SRSF10: variants seen among roughly 807,000 people sequenced by gnomAD.
SRSF10 encodes the protein serine/arginine-rich splicing factor 10.
SRSF10 carries 9 observed loss-of-function variants against 32.6 expected under a neutral mutation model. The ratio of observed to expected loss-of-function variants is 0.28; its 90% CI spans 0.17 to 0.48. SRSF10 has a LOEUF of 0.48. Among genes scored for constraint, SRSF10 ranks in the 20% least tolerant of loss-of-function variants. The pLI, the probability that SRSF10 is intolerant of heterozygous loss-of-function variation, is 0.99. For missense variants in SRSF10, 201 were observed against 331.8 expected, an observed-to-expected ratio of 0.61 and a Z score of 3.06; for synonymous variants, 105 against 112.4, an observed-to-expected ratio of 0.93 and a Z score of 0.42.
chr1:23,978,973 C>A (rs534254774), intron 1 of SRSF10, 156 bp from the exon 2 acceptor site: 2 of 382,936 alleles, frequency 5.2e-6, no homozygotes, highest in Non-Finnish European at 4.6e-6. Flanking sequence ...ATGTATGGTA[C>A]AAGGGAATGA....
chr1:23,975,126 A>G, intron 2 of SRSF10, 49 bp from the exon 3 acceptor site: 1 of 1,422,012 alleles, frequency 7.0e-7, no homozygotes, highest in Non-Finnish European at 9.9e-7. Context: ...TTGATAATGA[A>G]TGAAAGTTCA....
Position 23,971,344 on chromosome 1 carries a change from C to A in SRSF10, c.587G>T (p.Arg196Leu). The change falls in exon 6 of 6, where the codon CGT becomes CTT. Residue 196 changes from arginine to leucine, a missense_variant. This residue lies in a region of SRSF10 where 159 missense variants were observed against 196.7 expected (regional missense o/e 0.81). Coordinates refer to ENST00000492112, the MANE Select transcript of SRSF10 (RefSeq NM_054016.4). ...TTTGGTGTGAGATGCAGACCTAGAA[C>A]GTGATTTAGCCTTCATTTCTTTCTT... Reference protein sequence around the residue: ...QPKKEMKAKSRSRSASHTKTR... With the variant: ...QPKKEMKAKSLSRSASHTKTR... The A allele has an allele frequency of 1.9e-6, 3 of 1,612,748 alleles. No homozygotes were observed. The highest frequency in any genetic ancestry group is 2.5e-6 in the Non-Finnish European group (3 of 1,179,890).
Position 23,971,127 on chromosome 1 carries a change from C to A in SRSF10, c.*15G>T. ...ATGAATGATACATGCCTAAAAATGACCATGGTTTATACTATCAGTGGCCAC... is the reference window on the plus strand; with the variant it reads ...ATGAATGATACATGCCTAAAAATGAACATGGTTTATACTATCAGTGGCCAC... On this transcript the variant is annotated 3_prime_UTR_variant, in exon 6 of 6. Transcript: ENST00000492112. The A allele has an allele frequency of 6.4e-7, 1 of 1,573,142 alleles. No individual in the cohort carries two copies. The highest frequency in any genetic ancestry group is 1.2e-5 in the South Asian group (1 of 84,190).
At chr1:23,975,906 AG>A (rs1642057214) in intron 2 of SRSF10, 1 of 152,246 alleles carries the variant, frequency 6.6e-6, no homozygotes, top group Non-Finnish European at 1.5e-5. Flanking sequence ...AGCCTTAAGC[AG>A]GAACTACTGG....
chr1:23,979,922 C>G (rs1489864965), intron 1 of SRSF10, among the ~76,000 whole-genome samples: 1 of 149,170 alleles, frequency 6.7e-6, no homozygotes, highest in Non-Finnish European at 1.5e-5. Context: ...CTCGCGCCGG[C>G]AGGAAGCAGG....
At position 23,970,809 on chromosome 1, in the gene SRSF10, GA is replaced by G. The variant is rs1641712972; in HGVS notation, c.*332del. On this transcript the variant is annotated 3_prime_UTR_variant, in exon 6 of 6. Coordinates refer to ENST00000492112, the MANE Select transcript of SRSF10 (RefSeq NM_054016.4). ...CTAGGTTAACAGTTCTACCAAATAT[GA>G]ATATGAAAGTTTATTTTTAATGAGA... 38 of 1,062,788 alleles carry G rather than the reference GA, an allele frequency of 3.6e-5. No individual in the cohort carries two copies. Among genetic ancestry groups the G allele is most frequent in the Non-Finnish European group, 4.1e-5 (36 of 879,902 alleles). The allele number at this position is 1,062,788 out of a possible 1,614,324, so 65.8% of individuals were successfully genotyped here.
At chr1:23,972,227 T>G (rs1249239271) in intron 3 of SRSF10, among the ~76,000 whole-genome samples, 2 of 151,932 alleles carry the variant, frequency 1.3e-5, no homozygotes. Flanking sequence ...TGGGGCAACA[T>G]AGCAATATGC....
At chr1:23,978,922 G>T in intron 1 of SRSF10, 105 bp from the exon 2 acceptor site, 1 of 997,394 alleles carries the variant, frequency 1.0e-6, no homozygotes, top group Non-Finnish European at 1.4e-6. Flanking sequence ...GAATTTGGAA[G>T]ATAAAAATGC....
rs1641381860 is a variant in SRSF10 at position 23,964,930 on chromosome 1, A to G, written c.*6212T>C. 1 of 152,024 alleles carries G rather than the reference A, an allele frequency of 6.6e-6. No individual in the cohort carries two copies. Among genetic ancestry groups the G allele is most frequent in the Non-Finnish European group, 1.5e-5 (1 of 67,882 alleles). 9.4% of individuals were successfully genotyped at this position (152,024 alleles called of 1,614,324 possible). The stretch of plus-strand genomic sequence containing the variant: ...TACGGTTAGTTCTCAATGAATTTAC[A>G]TGCCTCACTTTTTATTCCAAGAAAA... On this transcript the variant is annotated 3_prime_UTR_variant, in exon 6 of 6. Coordinates refer to ENST00000492112, the MANE Select transcript of SRSF10 (RefSeq NM_054016.4).
chr1:23,972,109 T>C (rs1453572659), intron 3 of SRSF10, 97 bp from the exon 4 acceptor site: 3 of 1,065,122 alleles, frequency 2.8e-6, no homozygotes, highest in East Asian at 5.8e-5. Flanking sequence ...CCCTCTTATA[T>C]CCCAAAGAGA....
chr1:23,974,841 A>AAAAAG, intron 3 of SRSF10, 133 bp downstream of exon 3: 5 of 728,350 alleles, frequency 6.9e-6, no homozygotes, highest in African/African-American at 5.4e-5. Flanking sequence ...TCAAAAAAAA[A>AAAAAG]AAAGAAAGAA....
chr1:23,971,629 A>G lies in SRSF10; in HGVS notation c.438-3T>C. The G allele has an allele frequency of 6.2e-7, 1 of 1,609,966 alleles. No individual in the cohort carries two copies. ...GTGGTCTTCCAGTCGGTCTACTGCT[A>G]AAAAGCATATCAGAAAAAGCAGTGA... On this transcript the variant is annotated splice_polypyrimidine_tract_variant and splice_region_variant and intron_variant, in intron 4 of 5. Transcript: ENST00000492112.
In SRSF10 at chr1:23,967,132, TG is replaced by T. The variant is rs1347613994; in HGVS notation, c.*4009del. 5 of 152,398 alleles carry T rather than the reference TG, an allele frequency of 3.3e-5. No homozygotes were observed. In the East Asian group the frequency reaches 9.6e-4, roughly 29 times the overall value. The allele number at this position is 152,398 out of a possible 1,614,324, so 9.4% of individuals were successfully genotyped here. On this transcript the variant is annotated 3_prime_UTR_variant, in exon 6 of 6. Coordinates refer to ENST00000492112, the MANE Select transcript of SRSF10 (RefSeq NM_054016.4). ...ATGTCAAATATAATTGGAATTTACC[TG>T]GGAAGGAGTAGTTAAGACAGATGTA... is the stretch of plus-strand genomic sequence containing the variant.
At chr1:23,975,620 AT>A (rs2148508445) in intron 2 of SRSF10, 1 of 152,480 alleles carries the variant, frequency 6.6e-6, no homozygotes, top group East Asian at 1.9e-4. Flanking sequence ...TAATACTACT[AT>A]TTCATTTAAC....
chr1:23,973,568 G>A (rs2148504197), intron 3 of SRSF10, among the ~76,000 whole-genome samples: 1 of 152,154 alleles, frequency 6.6e-6, no homozygotes, highest in East Asian at 1.9e-4. Flanking sequence ...CAATTCTCCC[G>A]CCTAGGCCTC....
Position 23,970,169 on chromosome 1 carries a change from C to T in SRSF10, c.*973G>A, listed in dbSNP as rs1641659812. On this transcript the variant is annotated 3_prime_UTR_variant, in exon 6 of 6. Coordinates refer to ENST00000492112, the MANE Select transcript of SRSF10 (RefSeq NM_054016.4). ...AATTATTTTTGCCATCAACGACCTG[C>T]TCAAATTTTAAGGTGAGTTTTTGTG... The T allele has an allele frequency of 6.1e-6, 6 of 985,332 alleles. No homozygotes were observed. The highest frequency in any genetic ancestry group is 5.2e-5 in the African/African-American group (3 of 57,310). 61.0% of individuals were successfully genotyped at this position (985,332 alleles called of 1,614,324 possible).
chr1:23,970,690 C>T lies in SRSF10; in HGVS notation c.*452G>A, dbSNP rs1641701536. 8.1e-6 allele frequency: 8 copies of T among 987,790 alleles called. No individual in the cohort carries two copies. Among genetic ancestry groups the T allele is most frequent in the Non-Finnish European group, 9.6e-6 (8 of 831,716 alleles). 61.2% of individuals were successfully genotyped at this position (987,790 alleles called of 1,614,324 possible). A position where few individuals can be genotyped will look rare whatever the true frequency, so the allele number is the denominator to read the frequency against. The stretch of plus-strand genomic sequence containing the variant: ...AGACATCTTGACAAGACATAAAGGT[C>T]CACCCTGAACCTAAATGTGTCTGAG... On this transcript the variant is annotated 3_prime_UTR_variant, in exon 6 of 6. Transcript: ENST00000492112.
Position 23,980,286 on chromosome 1 carries a change from A to C in SRSF10, c.-31T>G. The C allele has an allele frequency of 6.9e-7, 1 of 1,445,608 alleles. No homozygotes were observed. The highest frequency in any genetic ancestry group is 9.2e-7 in the Non-Finnish European group (1 of 1,091,934). 89.5% of individuals were successfully genotyped at this position (1,445,608 alleles called of 1,614,324 possible). A position where few individuals can be genotyped will look rare whatever the true frequency, so the allele number is the denominator to read the frequency against. On this transcript the variant is annotated 5_prime_UTR_variant, in exon 1 of 6. Transcript: ENST00000492112. Reference sequence around the variant, plus strand: ...CGGCGTGTCTCGGCCGGGCGCACTAACGGGCTCAGCAAACCGTCCGCGGCT... The same window carrying C: ...CGGCGTGTCTCGGCCGGGCGCACTACCGGGCTCAGCAAACCGTCCGCGGCT...
In SRSF10 at chr1:23,980,161, C is replaced by T. The variant is rs1642376190; in HGVS notation, c.65+30G>A. On this transcript the variant is annotated intron_variant, in intron 1 of 5. Transcript: ENST00000492112. ...CTCCAGGCGCCTGCGGCCTCCCCGC[C>T]TAGGCCCGGAGTACCTGCCTTGTAC... 2.6e-6 allele frequency: 4 copies of T among 1,531,620 alleles called. No individual in the cohort carries two copies. In the East Asian group the frequency reaches 7.9e-5, roughly 30 times the overall value. The allele number at this position is 1,531,620 out of a possible 1,614,324, so 94.9% of individuals were successfully genotyped here.
Sources: gnomAD v4.1 joint callset for allele counts (sites outside exome capture counted in the v4.1 genomes callset) on GRCh38, gnomAD v4.1.1 for gene constraint, gnomAD v4.1.1 regional missense constraint, MANE v1.5 for transcripts, NCBI Gene and HGNC (gene_info 2026-07-23, HGNC 2026-07-21) for gene names.